Variants in USP37 observed in about 807,000 individuals in gnomAD.
USP37 encodes the protein ubiquitin carboxyl-terminal hydrolase 37.
USP37 carries 27 observed loss-of-function variants against 124.0 expected under a neutral mutation model. The observed-to-expected ratio is 0.22, with a 90% CI of 0.16 to 0.30. The LOEUF (loss-of-function observed/expected upper bound fraction) is 0.30, where lower values mean the gene tolerates loss of function less well. Ranked by LOEUF, USP37 falls within the 10% of genes least tolerant of loss-of-function variation. The probability of loss-of-function intolerance (pLI) is 1.00; values close to 1 mark genes in which losing one functional copy is unlikely to be tolerated. For synonymous variants in USP37, 365 were observed against 388.0 expected (o/e 0.94, Z 0.70); for missense variants, 889 against 1,140.4 (o/e 0.78, Z 3.17).
At chr2:218,477,867 GTT>G (rs1171839349) in intron 18 of USP37, among the ~76,000 whole-genome samples, 1 of 152,106 alleles carries the variant, frequency 6.6e-6, no homozygotes, top group African/African-American at 2.4e-5. Flanking sequence ...GTAAGCTTCA[GTT>G]ATATAAAAAT....
At chr2:218,520,120 T>G (rs567062586) in intron 10 of USP37, among the ~76,000 whole-genome samples, 46 of 151,892 alleles carry the variant, frequency 3.0e-4, no homozygotes, top group Admixed American at 1.0e-3. Context: ...GTATTTTTAG[T>G]AAAGACGAGG....
intron 1 of USP37, among the ~76,000 whole-genome samples, chr2:218,563,163 C>A (rs370503684): frequency 3.7e-3 from 452 of 123,286 alleles, no homozygotes; most frequent in Middle Eastern, 4.2e-3. Context: ...AACTCCATCT[C>A]AAAAAAAAAA....
intron 10 of USP37, among the ~76,000 whole-genome samples, chr2:218,518,036 G>C (rs1443420426): frequency 1.3e-5 from 2 of 151,912 alleles, no homozygotes; most frequent in African/African-American, 4.8e-5. Flanking sequence ...GCTCATTGCA[G>C]TTTTGACCTC....
chr2:218,541,873 T>C (rs1445576666), intron 8 of USP37, among the ~76,000 whole-genome samples: 22 of 152,172 alleles, frequency 1.4e-4, no homozygotes, highest in Admixed American at 1.4e-3. Context: ...AAGATCCTTT[T>C]TATCCTTTAC....
At chr2:218,544,444 G>C (rs1692212341) in intron 8 of USP37, among the ~76,000 whole-genome samples, 1 of 140,410 alleles carries the variant, frequency 7.1e-6, no homozygotes, top group South Asian at 2.2e-4. Flanking sequence ...GAGAGAGAGA[G>C]AGAGAGAGAG....
chr2:218,519,816 G>C (rs1690503521), intron 10 of USP37, among the ~76,000 whole-genome samples: 1 of 151,992 alleles, frequency 6.6e-6, no homozygotes, highest in African/African-American at 2.4e-5. Context: ...CGTTGGCCAG[G>C]CTGGTCTTGC....
intron 22 of USP37, among the ~76,000 whole-genome samples, chr2:218,460,224 C>T (rs1384989176): frequency 1.3e-5 from 2 of 150,914 alleles, no homozygotes; most frequent in African/African-American, 4.9e-5. Context: ...CACCATTGTA[C>T]TCCAGCCTGG....
chr2:218,540,987 T>G (rs892429867), intron 8 of USP37, among the ~76,000 whole-genome samples: 1 of 152,176 alleles, frequency 6.6e-6, no homozygotes, highest in African/African-American at 2.4e-5. Flanking sequence ...AGTGCTGCAA[T>G]ACCCTTTAAA....
chr2:218,535,093 C>T (rs1393287189), intron 8 of USP37, among the ~76,000 whole-genome samples: 2 of 152,104 alleles, frequency 1.3e-5, no homozygotes, highest in African/African-American at 4.8e-5. Flanking sequence ...TGGCCAGGCG[C>T]GGTGGCTCAC....
At chr2:218,522,766 G>T (rs1362567822) in intron 10 of USP37, among the ~76,000 whole-genome samples, 1 of 112,892 alleles carries the variant, frequency 8.9e-6, no homozygotes, top group Non-Finnish European at 2.2e-5. Flanking sequence ...TATTTTATTA[G>T]ATTTATTCCT....
chr2:218,564,602 A>G (rs1693483944), intron 1 of USP37, among the ~76,000 whole-genome samples: 1 of 152,066 alleles, frequency 6.6e-6, no homozygotes, highest in African/African-American at 2.4e-5. Flanking sequence ...CCACTTTTCA[A>G]CTGAACTATG....
At chr2:218,496,099 G>C (rs1438358245) in intron 13 of USP37, 149 bp from the exon 14 acceptor site, 1 of 671,956 alleles carries the variant, frequency 1.5e-6, no homozygotes, top group Non-Finnish European at 2.3e-6. Flanking sequence ...TTCGAGACCA[G>C]CCCGGCCAAC....
intron 4 of USP37, among the ~76,000 whole-genome samples, chr2:218,554,288 G>A (rs1202265434): frequency 6.6e-6 from 1 of 152,116 alleles, no homozygotes; most frequent in Non-Finnish European, 1.5e-5. Context: ...ATAAAGTGTG[G>A]ACTTACTCTT....
chr2:218,542,649 A>T (rs1482953811), intron 8 of USP37, among the ~76,000 whole-genome samples: 1 of 152,194 alleles, frequency 6.6e-6, no homozygotes, highest in Non-Finnish European at 1.5e-5. Context: ...GACAGCTTTC[A>T]TGATAGATTC....
At chr2:218,535,555 A>G (rs919287636) in intron 8 of USP37, among the ~76,000 whole-genome samples, 1 of 151,634 alleles carries the variant, frequency 6.6e-6, no homozygotes, top group Non-Finnish European at 1.5e-5. Context: ...TATTAAAAAT[A>G]CAAAAATTAG....
chr2:218,457,013 C>G (rs950215952), intron 24 of USP37, 79 bp downstream of exon 24: 177 of 1,376,830 alleles, frequency 1.3e-4, no homozygotes, highest in Non-Finnish European at 1.6e-4. Context: ...CTTCACAAAG[C>G]TAGGCAAAGA....
chr2:218,513,585 G>C (rs1350874559), intron 10 of USP37, among the ~76,000 whole-genome samples: 1 of 151,980 alleles, frequency 6.6e-6, no homozygotes, highest in African/African-American at 2.4e-5. Context: ...TCTGTGACCA[G>C]GCAACTACTG....
chr2:218,560,048 ACT>A (rs1294765335), intron 3 of USP37, among the ~76,000 whole-genome samples: 1 of 152,146 alleles, frequency 6.6e-6, no homozygotes, highest in Non-Finnish European at 1.5e-5. Context: ...GATGTGTAAA[ACT>A]CTTCAAATTA....
intron 13 of USP37, among the ~76,000 whole-genome samples, chr2:218,497,034 T>C (rs987375320): frequency 1.3e-5 from 2 of 152,072 alleles, no homozygotes. Flanking sequence ...ACTAAAATCA[T>C]GTCAATTTCC....
Sources: allele counts gnomAD v4.1 joint callset (sites outside exome capture counted in the v4.1 genomes callset), GRCh38; gene constraint gnomAD v4.1.1; transcripts MANE v1.5; gene names NCBI Gene and HGNC (gene_info 2026-07-23, HGNC 2026-07-21).